Variants in ELOVL7 observed in about 807,000 individuals in gnomAD.
ELOVL7 encodes the protein ELOVL fatty acid elongase 7, also known as very long chain fatty acid elongase 7.
A neutral mutation model predicts 35.7 loss-of-function variants in ELOVL7; 27 were observed. That is an observed-to-expected ratio of 0.76 (90% CI 0.56 to 1.04). The LOEUF (loss-of-function observed/expected upper bound fraction) is 1.04, where lower values mean the gene tolerates loss of function less well. ELOVL7 is among the 50% of genes least tolerant of loss of function. ELOVL7 has a pLI of 0.00. For synonymous variants in ELOVL7, 113 were observed against 114.6 expected, an observed-to-expected ratio of 0.99 and a Z score of 0.09; for missense variants, 327 against 340.8, an observed-to-expected ratio of 0.96 and a Z score of 0.32.
intron 1 of ELOVL7, among the ~76,000 whole-genome samples, chr5:60,828,759 A>G (rs949120329): frequency 6.6e-6 from 1 of 152,176 alleles, no homozygotes; most frequent in Non-Finnish European, 1.5e-5. Flanking sequence ...ACAGCTAAAT[A>G]AGTTACTCGT....
intron 2 of ELOVL7, among the ~76,000 whole-genome samples, chr5:60,793,349 T>C (rs1021355356): frequency 2.0e-5 from 3 of 152,044 alleles, no homozygotes; most frequent in African/African-American, 7.2e-5. Context: ...GGGAGAAAAA[T>C]GGGCTCATGA....
intron 7 of ELOVL7, among the ~76,000 whole-genome samples, chr5:60,763,202 C>T (rs571586349): frequency 4.9e-4 from 75 of 152,296 alleles, no homozygotes; most frequent in African/African-American, 1.8e-3. Flanking sequence ...CCTGGAAAAT[C>T]CGATGCCCAT....
At chr5:60,785,299 T>A (rs1743510683) in intron 3 of ELOVL7, among the ~76,000 whole-genome samples, 1 of 152,222 alleles carries the variant, frequency 6.6e-6, no homozygotes, top group Admixed American at 6.5e-5. Flanking sequence ...CTCAGCAATT[T>A]CAATGTAGGT....
chr5:60,833,162 T>C (rs1163182769), intron 1 of ELOVL7, among the ~76,000 whole-genome samples: 2 of 152,116 alleles, frequency 1.3e-5, no homozygotes, highest in South Asian at 2.1e-4. Flanking sequence ...ATGATGAAAA[T>C]ATGATTATCA....
At chr5:60,798,685 A>G (rs921794826) in intron 2 of ELOVL7, among the ~76,000 whole-genome samples, 9 of 152,220 alleles carry the variant, frequency 5.9e-5, no homozygotes, top group African/African-American at 2.2e-4. Context: ...ATATGTACCC[A>G]ACATAGTAGC....
intron 1 of ELOVL7, among the ~76,000 whole-genome samples, chr5:60,801,712 G>GA (rs971293356): frequency 1.3e-4 from 19 of 149,716 alleles, no homozygotes; most frequent in East Asian, 9.8e-4. Flanking sequence ...CAAAAAAAAA[G>GA]AAAAAAAAAT....
intron 1 of ELOVL7, among the ~76,000 whole-genome samples, chr5:60,805,996 A>T (rs1380599414): frequency 6.6e-6 from 1 of 152,202 alleles, no homozygotes; most frequent in African/African-American, 2.4e-5. Context: ...GTTCTTCAGG[A>T]TGTGACCTTA....
intron 2 of ELOVL7, among the ~76,000 whole-genome samples, chr5:60,794,067 G>A (rs1378805586): frequency 6.6e-6 from 1 of 152,192 alleles, no homozygotes; most frequent in African/African-American, 2.4e-5. Context: ...CCTGAAAAAT[G>A]TATGGCAGGA....
intron 1 of ELOVL7, among the ~76,000 whole-genome samples, chr5:60,804,595 G>T (rs1044782359): frequency 6.6e-6 from 1 of 152,194 alleles, no homozygotes; most frequent in African/African-American, 2.4e-5. Context: ...TCTATCAGAA[G>T]AAGTGATAAG....
chr5:60,796,440 T>G (rs1044616254), intron 2 of ELOVL7, among the ~76,000 whole-genome samples: 1 of 152,196 alleles, frequency 6.6e-6, no homozygotes, highest in Non-Finnish European at 1.5e-5. Flanking sequence ...TGTAGGATGT[T>G]TAGAACCACA....
At chr5:60,790,061 T>C (rs1743835308) in intron 2 of ELOVL7, among the ~76,000 whole-genome samples, 1 of 151,940 alleles carries the variant, frequency 6.6e-6, no homozygotes, top group African/African-American at 2.4e-5. Context: ...CGCTTGAACC[T>C]GGGAGGCAGA....
chr5:60,842,174 G>A (rs980885251), intron 1 of ELOVL7, among the ~76,000 whole-genome samples: 2 of 152,176 alleles, frequency 1.3e-5, no homozygotes, highest in Non-Finnish European at 2.9e-5. Context: ...GTGGGGAAGA[G>A]GGAGAGTGGT....
At chr5:60,777,548 G>A (rs1476761684) in intron 3 of ELOVL7, among the ~76,000 whole-genome samples, 1 of 152,002 alleles carries the variant, frequency 6.6e-6, no homozygotes, top group Non-Finnish European at 1.5e-5. Flanking sequence ...ATAAGCAGCT[G>A]GATATATGGA....
chr5:60,782,511 A>G (rs1289205437), intron 3 of ELOVL7, among the ~76,000 whole-genome samples: 1 of 152,226 alleles, frequency 6.6e-6, no homozygotes, highest in East Asian at 1.9e-4. Context: ...GTGTCCATCA[A>G]TGGGTGAATG....
At chr5:60,837,330 GGGTGGGGGT>G (rs1746884197) in intron 1 of ELOVL7, among the ~76,000 whole-genome samples, 2 of 125,356 alleles carry the variant, frequency 1.6e-5, no homozygotes, top group African/African-American at 5.9e-5. Flanking sequence ...GGGGAGTGGG[GGGTGGGGGT>G]GGCGCTTGTC....
intron 7 of ELOVL7, among the ~76,000 whole-genome samples, chr5:60,761,417 A>G (rs185650865): frequency 1.6e-4 from 25 of 152,254 alleles, no homozygotes; most frequent in African/African-American, 5.8e-4. Context: ...TTTTGCAAAA[A>G]TCAGTTTGGA....
intron 2 of ELOVL7, among the ~76,000 whole-genome samples, chr5:60,794,495 G>T (rs1256306373): frequency 6.6e-6 from 1 of 152,170 alleles, no homozygotes; most frequent in East Asian, 1.9e-4. Context: ...GATGAGGATG[G>T]GACCTCAGAT....
intron 7 of ELOVL7, among the ~76,000 whole-genome samples, chr5:60,759,720 G>A (rs780760613): frequency 6.6e-5 from 10 of 151,314 alleles, no homozygotes; most frequent in Admixed American, 2.6e-4. Context: ...CATGTGCCAC[G>A]CTGGTGTGCT....
chr5:60,840,759 G>A (rs1230764520), intron 1 of ELOVL7, among the ~76,000 whole-genome samples: 3 of 152,132 alleles, frequency 2.0e-5, no homozygotes, highest in Non-Finnish European at 2.9e-5. Context: ...ACTTGCTGAC[G>A]AAGTAATTCT....
Sources: gnomAD v4.1 joint callset for allele counts (sites outside exome capture counted in the v4.1 genomes callset) on GRCh38, gnomAD v4.1.1 for gene constraint, MANE v1.5 for transcripts, NCBI Gene and HGNC (gene_info 2026-07-23, HGNC 2026-07-21) for gene names.